Variants in UVRAG observed in about 807,000 individuals in gnomAD.
UVRAG encodes UV radiation resistance-associated gene protein.
UVRAG carries 19 observed loss-of-function variants against 78.0 expected under a neutral mutation model. The ratio of observed to expected loss-of-function variants is 0.24; its 90% CI spans 0.17 to 0.36. The LOEUF is 0.36. UVRAG is among the 10% of genes least tolerant of loss of function. The pLI is 1.00. For synonymous variants in UVRAG, 323 were observed against 324.6 expected (o/e 1.00, Z 0.05); for missense variants, 740 against 853.8 (o/e 0.87, Z 1.66).
chr11:75,865,529 A>T (rs1027113210), intron 3 of UVRAG, among the ~76,000 whole-genome samples: 1 of 152,106 alleles, frequency 6.6e-6, no homozygotes, highest in South Asian at 2.1e-4. Flanking sequence ...CTGAATTTTA[A>T]ATTTTGTTTA....
rs533671794 is a variant in UVRAG, at chr11:75,932,994, G to C, written c.593+20955G>C. 2.0e-5 allele frequency among the ~76,000 whole-genome samples: 3 copies of C among 152,176 alleles called. No homozygotes were observed. The South Asian group carries it at 6.2e-4, about 32-fold the overall frequency. On this transcript the variant is annotated intron_variant, in intron 6 of 14. Coordinates refer to ENST00000356136, the MANE Select transcript of UVRAG (RefSeq NM_003369.4). ...ATCAATGACATTCTTCACAGAAATA[G>C]AAAAAAGAAAACTCCTAAAATTTAT...
At chr11:75,925,318 C>A (rs1486705453) in intron 6 of UVRAG, among the ~76,000 whole-genome samples, 1 of 152,186 alleles carries the variant, frequency 6.6e-6, no homozygotes, top group Non-Finnish European at 1.5e-5. Context: ...ATTAAGAAAA[C>A]TTATTGATGA....
intron 12 of UVRAG, among the ~76,000 whole-genome samples, chr11:76,063,101 CT>C (rs1951124152): frequency 1.3e-5 from 2 of 152,096 alleles, no homozygotes; most frequent in Admixed American, 6.6e-5. Context: ...CACAAATAAT[CT>C]TTTTTAAAAA....
intron 13 of UVRAG, among the ~76,000 whole-genome samples, chr11:76,110,297 A>C (rs1389034260): frequency 6.6e-6 from 1 of 151,506 alleles, no homozygotes; most frequent in East Asian, 1.9e-4. Flanking sequence ...TATTTTGGAT[A>C]GTCTATATAC....
At chr11:75,941,858 T>C (rs1948490676) in intron 6 of UVRAG, among the ~76,000 whole-genome samples, 1 of 152,156 alleles carries the variant, frequency 6.6e-6, no homozygotes, top group Non-Finnish European at 1.5e-5. Context: ...GGCTCTCTTA[T>C]GATCATAAGC....
chr11:75,840,712 A>T (rs902355652), intron 1 of UVRAG, among the ~76,000 whole-genome samples: 1 of 152,198 alleles, frequency 6.6e-6, no homozygotes, highest in Non-Finnish European at 1.5e-5. Context: ...GAAGTGTTTC[A>T]TGAGAGATTA....
At chr11:75,928,961 A>AAAAAG (rs767893577) in intron 6 of UVRAG, among the ~76,000 whole-genome samples, 3,163 of 141,410 alleles carry the variant, frequency 0.022, 151 homozygotes, top group African/African-American at 0.04. Flanking sequence ...AAAAAAAAAA[A>AAAAAG]AAAGAATTGA....
intron 6 of UVRAG, among the ~76,000 whole-genome samples, chr11:75,951,186 G>A (rs550412430): frequency 6.6e-6 from 1 of 151,986 alleles, no homozygotes; most frequent in Non-Finnish European, 1.5e-5. Context: ...TAATCTGTGT[G>A]TATGAGGTGA....
intron 13 of UVRAG, among the ~76,000 whole-genome samples, chr11:76,067,767 A>G (rs1834210738): frequency 6.6e-6 from 1 of 152,108 alleles, no homozygotes; most frequent in Admixed American, 6.6e-5. Flanking sequence ...TCAAAAAAAA[A>G]AAAGTGCTCG....
At chr11:75,900,499 A>G (rs1947469130) in intron 5 of UVRAG, among the ~76,000 whole-genome samples, 1 of 152,106 alleles carries the variant, frequency 6.6e-6, no homozygotes, top group South Asian at 2.1e-4. Context: ...ATTAGGGTGT[A>G]TGCTCCTTTA....
At chr11:75,994,417 G>C (rs1949668102) in intron 8 of UVRAG, among the ~76,000 whole-genome samples, 1 of 152,126 alleles carries the variant, frequency 6.6e-6, no homozygotes, top group Admixed American at 6.6e-5. Flanking sequence ...TAGCAGCAAA[G>C]TTGAGATGTG....
chr11:76,126,996 C>T (rs1952411942), intron 14 of UVRAG, among the ~76,000 whole-genome samples: 1 of 152,212 alleles, frequency 6.6e-6, no homozygotes, highest in Admixed American at 6.5e-5. Context: ...ATACAACCTC[C>T]TCTGATGAGT....
At chr11:75,830,776 G>C (rs954108140) in intron 1 of UVRAG, among the ~76,000 whole-genome samples, 4 of 152,088 alleles carry the variant, frequency 2.6e-5, no homozygotes, top group East Asian at 3.9e-4. Context: ...CTTTTGTCTC[G>C]AATACTTTCA....
chr11:75,944,580 A>G (rs190879067), intron 6 of UVRAG, among the ~76,000 whole-genome samples: 20 of 152,302 alleles, frequency 1.3e-4, no homozygotes, highest in African/African-American at 3.4e-4. Context: ...AAACTATGCA[A>G]TATGCTGGGT....
intron 8 of UVRAG, among the ~76,000 whole-genome samples, chr11:76,003,592 G>A (rs1725873016): frequency 6.6e-6 from 1 of 151,980 alleles, no homozygotes; most frequent in African/African-American, 2.4e-5. Flanking sequence ...TATTTTAGTA[G>A]TCAAAATACA....
chr11:75,897,871 A>ATTTTTTTTTTTTTTTT lies in UVRAG; in HGVS notation c.507+8971_507+8986dup, dbSNP rs146122619. 6.5e-4 allele frequency among the ~76,000 whole-genome samples: 71 copies of ATTTTTTTTTTTTTTTT among 108,874 alleles called. 2 individuals carry two copies. The highest frequency in any genetic ancestry group is 1.1e-3 in the African/African-American group (26 of 24,738). 71.4% of individuals were successfully genotyped at this position (108,874 alleles called of 152,430 possible). On this transcript the variant is annotated intron_variant, in intron 5 of 14. Coordinates refer to ENST00000356136, the MANE Select transcript of UVRAG (RefSeq NM_003369.4). ...ATATACTTACCTTCATAGCTCTTTAATTTTTTTTTTTTTTTTTTGGACAAG... is the reference window on the plus strand; with the variant it reads ...ATATACTTACCTTCATAGCTCTTTAATTTTTTTTTTTTTTTTTTTTTTTTTTTTTTTTTTGGACAAG...
intron 5 of UVRAG, among the ~76,000 whole-genome samples, chr11:75,910,235 T>C (rs1463873030): frequency 6.6e-6 from 1 of 152,252 alleles, no homozygotes; most frequent in Non-Finnish European, 1.5e-5. Flanking sequence ...CTTTTAATGA[T>C]ACTACTAGCA....
intron 5 of UVRAG, among the ~76,000 whole-genome samples, chr11:75,898,362 G>A (rs530140537): frequency 4.1e-4 from 62 of 152,290 alleles, no homozygotes; most frequent in African/African-American, 1.5e-3. Flanking sequence ...CTTTGCTCCT[G>A]AAGCCCTTTT....
chr11:75,823,215 C>T (rs1033391537), intron 1 of UVRAG, among the ~76,000 whole-genome samples: 3 of 152,104 alleles, frequency 2.0e-5, no homozygotes, highest in African/African-American at 7.2e-5. Flanking sequence ...ATTGAAGGGC[C>T]ACAGGTAGTG....
Sources: gnomAD v4.1 joint callset for allele counts (sites outside exome capture counted in the v4.1 genomes callset) on GRCh38, gnomAD v4.1.1 for gene constraint, MANE v1.5 for transcripts, NCBI Gene and HGNC (gene_info 2026-07-23, HGNC 2026-07-21) for gene names.